The following ADAM12 variants were observed in gnomAD, a reference collection of about 807,000 sequenced individuals.
ADAM12 encodes ADAM metallopeptidase domain 12.
A neutral mutation model predicts 106.4 loss-of-function variants in ADAM12; 70 were observed. The ratio of observed to expected loss-of-function variants is 0.66; its 90% CI spans 0.54 to 0.80. The LOEUF is 0.80. Among genes scored for constraint, ADAM12 ranks in the 30% least tolerant of loss-of-function variants. The pLI, the probability that ADAM12 is intolerant of heterozygous loss-of-function variation, is 0.00. For missense variants in ADAM12, 1,010 were observed against 1,171.9 expected, an observed-to-expected ratio of 0.86 and a Z score of 2.02; for synonymous variants, 420 against 433.5, an observed-to-expected ratio of 0.97 and a Z score of 0.39.
At chr10:126,046,904 G>A (rs1391938914) in intron 16 of ADAM12, among the ~76,000 whole-genome samples, 2 of 151,974 alleles carry the variant, frequency 1.3e-5, no homozygotes, top group Non-Finnish European at 2.9e-5. Flanking sequence ...CAAGAATCCA[G>A]GGTTGAAGAG....
intron 3 of ADAM12, among the ~76,000 whole-genome samples, chr10:126,251,180 T>G (rs1007918817): frequency 6.6e-6 from 1 of 152,188 alleles, no homozygotes; most frequent in Non-Finnish European, 1.5e-5. Flanking sequence ...CATCGGTTCT[T>G]TTTCCAAGAT....
chr10:126,333,420 G>A (rs1171568578), intron 1 of ADAM12, among the ~76,000 whole-genome samples: 1 of 152,230 alleles, frequency 6.6e-6, no homozygotes, highest in Non-Finnish European at 1.5e-5. Context: ...GATGCCTGGA[G>A]GAAGAATCTT....
At chr10:126,127,654 C>A (rs1351725366) in intron 5 of ADAM12, among the ~76,000 whole-genome samples, 1 of 152,172 alleles carries the variant, frequency 6.6e-6, no homozygotes, top group African/African-American at 2.4e-5. Context: ...AAGGCATGGG[C>A]AAGGAAGGAT....
intron 3 of ADAM12, among the ~76,000 whole-genome samples, chr10:126,223,732 G>T (rs1291952664): frequency 1.3e-5 from 2 of 152,214 alleles, no homozygotes; most frequent in African/African-American, 4.8e-5. Context: ...ACTGTGGCAT[G>T]AAAGAAAATT....
chr10:126,383,460 G>T (rs897272986), intron 1 of ADAM12, among the ~76,000 whole-genome samples: 1 of 152,050 alleles, frequency 6.6e-6, no homozygotes, highest in Admixed American at 6.6e-5. Flanking sequence ...ACGAATATAA[G>T]AAAGTATACT....
At chr10:126,062,066 AG>A (rs1954768291) in intron 14 of ADAM12, among the ~76,000 whole-genome samples, 1 of 152,066 alleles carries the variant, frequency 6.6e-6, no homozygotes, top group Admixed American at 6.5e-5. Flanking sequence ...TGCTCTCCCA[AG>A]GAAGTCTGTA....
chr10:126,140,470 G>C (rs138095306), intron 4 of ADAM12, among the ~76,000 whole-genome samples: 1 of 152,166 alleles, frequency 6.6e-6, no homozygotes, highest in Non-Finnish European at 1.5e-5. Flanking sequence ...GAGGGAGGAG[G>C]GGGGTGGATT....
At chr10:126,072,381 G>T (rs1436057508) in intron 11 of ADAM12, among the ~76,000 whole-genome samples, 4 of 152,140 alleles carry the variant, frequency 2.6e-5, no homozygotes, top group African/African-American at 9.7e-5. Flanking sequence ...TACCTGGGTG[G>T]GCTGTATGAC....
rs1554865330 is a variant in ADAM12, at chr10:126,317,619, G to GAT, written c.186+12792_186+12793insAT. On this transcript the variant is annotated intron_variant, in intron 2 of 22. Coordinates refer to ENST00000448723, the MANE Select transcript of ADAM12 (RefSeq NM_001288973.2). ...TTGGGAATTAATTTTTTTAAGAAAT[G>GAT]TTTTTTTCCCCCAGGGAAAAGAGCC... Among the ~76,000 whole-genome samples, 6 of 152,116 alleles carry GAT rather than the reference G, an allele frequency of 3.9e-5. No individual in the cohort carries two copies. In the East Asian group the frequency reaches 1.2e-3, roughly 29 times the overall value.
chr10:126,278,556 C>T (rs751473560), intron 3 of ADAM12, among the ~76,000 whole-genome samples: 1 of 152,142 alleles, frequency 6.6e-6, no homozygotes, highest in Non-Finnish European at 1.5e-5. Context: ...CAGTTTGAAG[C>T]TGTTTCCCCT....
chr10:126,274,816 T>A (rs1280783190), intron 3 of ADAM12, among the ~76,000 whole-genome samples: 1 of 152,208 alleles, frequency 6.6e-6, no homozygotes, highest in African/African-American at 2.4e-5. Context: ...AACCATCTAA[T>A]GCCATCTCCA....
Position 126,368,661 on chromosome 10 carries a change from T to TGTTG in ADAM12, c.88+19396_88+19397insCAAC, listed in dbSNP as rs56044964. 8.2e-3 allele frequency among the ~76,000 whole-genome samples: 1,245 copies of TGTTG among 151,778 alleles called. 22 individuals carry two copies. The highest frequency in any genetic ancestry group is 0.029 in the African/African-American group (1,186 of 41,434). ...GATGTAAGTTTGTTGTTGTTGTTGTTTTTTTTTGCCTTTGTAGTTGCAGAA... is the reference window on the plus strand; with the variant it reads ...GATGTAAGTTTGTTGTTGTTGTTGTTGTTGTTTTTTTGCCTTTGTAGTTGCAGAA... On this transcript the variant is annotated intron_variant, in intron 1 of 22. Transcript: ENST00000448723.
intron 8 of ADAM12, among the ~76,000 whole-genome samples, chr10:126,107,157 T>A (rs1416876000): frequency 6.6e-6 from 1 of 152,136 alleles, no homozygotes; most frequent in Non-Finnish European, 1.5e-5. Flanking sequence ...ATGAAGCACA[T>A]ACATGTCCAC....
At chr10:126,047,371 G>T (rs1954355470) in intron 16 of ADAM12, among the ~76,000 whole-genome samples, 1 of 152,078 alleles carries the variant, frequency 6.6e-6, no homozygotes, top group Non-Finnish European at 1.5e-5. Flanking sequence ...CCTGGCCAAG[G>T]GGATGGTCAC....
chr10:126,358,595 C>T (rs1398917420), intron 1 of ADAM12, among the ~76,000 whole-genome samples: 1 of 152,132 alleles, frequency 6.6e-6, no homozygotes, highest in East Asian at 1.9e-4. Flanking sequence ...GACAAGAATG[C>T]CTACACTCAC....
At chr10:126,248,685 GTATTTATTTATT>G (rs141233066) in intron 3 of ADAM12, among the ~76,000 whole-genome samples, 69 of 67,096 alleles carry the variant, frequency 1.0e-3, no homozygotes, top group African/African-American at 2.3e-3. Flanking sequence ...ATGTATGTAT[GTATTTATTTATT>G]TATTTATTTA....
intron 1 of ADAM12, among the ~76,000 whole-genome samples, chr10:126,378,899 G>GATTTCATTATT (rs1195257791): frequency 1.3e-5 from 2 of 152,072 alleles, no homozygotes; most frequent in Admixed American, 1.3e-4. Flanking sequence ...CTGAAATAAT[G>GATTTCATTATT]ATTTTAGCTT....
intron 14 of ADAM12, among the ~76,000 whole-genome samples, chr10:126,060,438 G>A (rs1042477487): frequency 1.3e-5 from 2 of 152,200 alleles, no homozygotes; most frequent in Admixed American, 1.3e-4. Context: ...TCACTGGGGT[G>A]CAAATGTCAA....
chr10:126,084,304 A>AC (rs1412497747), intron 11 of ADAM12, among the ~76,000 whole-genome samples: 1 of 152,184 alleles, frequency 6.6e-6, no homozygotes, highest in African/African-American at 2.4e-5. Context: ...GTCCTGAAAG[A>AC]CCAAGAACCC....
Sources: gnomAD v4.1 joint callset for allele counts (sites outside exome capture counted in the v4.1 genomes callset) on GRCh38, gnomAD v4.1.1 for gene constraint, MANE v1.5 for transcripts, NCBI Gene and HGNC (gene_info 2026-07-23, HGNC 2026-07-21) for gene names.